Variants in LRRK2 observed in about 807,000 individuals in gnomAD.
LRRK2 encodes leucine-rich repeat serine/threonine-protein kinase 2.
Under a neutral mutation model 302.6 loss-of-function variants are expected in LRRK2, and 203 were observed. The observed-to-expected ratio is 0.67, with a 90% CI of 0.60 to 0.75. LRRK2 has a LOEUF of 0.75. Ranked by LOEUF, LRRK2 falls within the 30% of genes least tolerant of loss-of-function variation. The pLI is 0.00. For synonymous variants in LRRK2, 1,066 were observed against 1,031.9 expected (o/e 1.03, Z -0.63); for missense variants, 2,830 against 2,951.0 (o/e 0.96, Z 0.95).
chr12:40,277,578 T>C (rs1234886902), intron 16 of LRRK2, among the ~76,000 whole-genome samples: 1 of 152,224 alleles, frequency 6.6e-6, no homozygotes, highest in Non-Finnish European at 1.5e-5. Context: ...CTGGGTTTCA[T>C]CCTATAACTA....
chr12:40,270,769 T>C (rs538616742), intron 14 of LRRK2, among the ~76,000 whole-genome samples: 4 of 152,274 alleles, frequency 2.6e-5, no homozygotes, highest in Non-Finnish European at 4.4e-5. Context: ...TGGAAAGTTT[T>C]CTTGAGTTGC....
At chr12:40,295,045 C>T in intron 22 of LRRK2, 131 bp downstream of exon 22, 1 of 616,054 alleles carries the variant, frequency 1.6e-6, no homozygotes, top group East Asian at 2.8e-5. Flanking sequence ...ATATATTTAC[C>T]TAATGATTCC....
In LRRK2 at chr12:40,283,954, C is replaced by T. The variant is rs368291361; in HGVS notation, c.2321C>T (p.Ala774Val). The change falls in exon 19 of 51, where the codon GCG (alanine) becomes GTG (valine). Residue 774 changes from alanine (A) to valine (V), a missense_variant. Physicochemically the swap from Ala to Val is moderately conservative, Grantham distance 64 (BLOSUM62 0). Around this residue, in one of 3 missense-constraint regions of LRRK2, gnomAD observed 2,121 missense variants for 2,148.0 expected, o/e 0.99. Transcript: ENST00000298910. The stretch of plus-strand genomic sequence containing the variant: ...TCTCGTGAACAAGATGTACGAAAAG[C>T]GTTGACGATAAGCATTGGGAAAGGT... ...SGSREQDVRK[A>V]LTISIGKGDS... is the part of the protein sequence containing the mutation. 9.3e-6 allele frequency: 15 copies of T among 1,613,654 alleles called. No homozygotes were observed. Among genetic ancestry groups the T allele is most frequent in the Non-Finnish European group, 1.2e-5 (14 of 1,179,838 alleles).
intron 40 of LRRK2, among the ~76,000 whole-genome samples, chr12:40,337,708 G>A (rs1390992111): frequency 1.3e-5 from 2 of 152,164 alleles, no homozygotes; most frequent in African/African-American, 4.8e-5. Context: ...GTTTATGCTT[G>A]CAATTCCTTG....
intron 14 of LRRK2, among the ~76,000 whole-genome samples, chr12:40,266,766 T>C (rs1943033925): frequency 6.7e-6 from 1 of 149,678 alleles, no homozygotes; most frequent in South Asian, 2.1e-4. Context: ...TGTCCAACAA[T>C]GATAGACTGG....
chr12:40,285,067 T>G (rs1943865281), intron 19 of LRRK2, among the ~76,000 whole-genome samples: 1 of 152,020 alleles, frequency 6.6e-6, no homozygotes, highest in Non-Finnish European at 1.5e-5. Flanking sequence ...TTTTCCTCGG[T>G]TTCTCAAACA....
chr12:40,308,747 C>A, intron 29 of LRRK2, 51 bp downstream of exon 29: 1 of 1,536,072 alleles, frequency 6.5e-7, no homozygotes, highest in East Asian at 2.3e-5. Flanking sequence ...TTGTTTGGAA[C>A]AGGGATTCAA....
At chr12:40,310,374 T>C in intron 30 of LRRK2, 57 bp from the exon 31 acceptor site, 1 of 1,517,328 alleles carries the variant, frequency 6.6e-7, no homozygotes, top group Non-Finnish European at 9.1e-7. Flanking sequence ...TCAACAGGAA[T>C]GTGAGCAGGC....
intron 14 of LRRK2, among the ~76,000 whole-genome samples, chr12:40,273,084 G>A (rs1371506170): frequency 6.6e-6 from 1 of 152,116 alleles, no homozygotes; most frequent in Non-Finnish European, 1.5e-5. Flanking sequence ...TACATTATTA[G>A]AATTGTTTTA....
Position 40,367,073 on chromosome 12 carries a change from G to A in LRRK2, c.7458G>A (p.Gln2486=). The A allele has an allele frequency of 6.2e-7, 1 of 1,607,388 alleles. No individual in the cohort carries two copies. Among genetic ancestry groups the A allele is most frequent in the Non-Finnish European group, 8.5e-7 (1 of 1,175,062 alleles). ...NRKNTEGTQK[Q]KEIQSCLTVW... ...AAAATACTGAAGGTACACAAAAGCA[G>A]AAAGGTAACATTTAGAAGGATACTG... is the stretch of plus-strand genomic sequence containing the variant. The change falls in exon 50 of 51, where the codon CAG becomes CAA. Residue 2486 remains glutamine (Q), a synonymous_variant. Transcript: ENST00000298910.
chr12:40,285,818 A>AT (rs1310011062), intron 19 of LRRK2, among the ~76,000 whole-genome samples: 1 of 152,050 alleles, frequency 6.6e-6, no homozygotes, highest in African/African-American at 2.4e-5. Flanking sequence ...GGCAAAAAAA[A>AT]GGGCACAGAC....
chr12:40,248,844 T>A (rs1426680869), intron 7 of LRRK2, among the ~76,000 whole-genome samples: 1 of 152,120 alleles, frequency 6.6e-6, no homozygotes, highest in Non-Finnish European at 1.5e-5. Flanking sequence ...TTAGACAAGC[T>A]GGTAAAAGTA....
intron 26 of LRRK2, among the ~76,000 whole-genome samples, chr12:40,303,374 G>A (rs539572739): frequency 6.6e-6 from 1 of 152,174 alleles, no homozygotes; most frequent in East Asian, 1.9e-4. Flanking sequence ...GATCTTGAGT[G>A]TGTTGTAATC....
intron 33 of LRRK2, among the ~76,000 whole-genome samples, chr12:40,318,599 A>G (rs1423198263): frequency 6.6e-6 from 1 of 152,090 alleles, no homozygotes; most frequent in Non-Finnish European, 1.5e-5. Context: ...TTTCAAACCA[A>G]GTAGTTTGAC....
chr12:40,319,896 A>G (rs1945345745), intron 33 of LRRK2, 92 bp from the exon 34 acceptor site: 4 of 1,228,914 alleles, frequency 3.3e-6, no homozygotes, highest in Admixed American at 4.2e-5. Context: ...CTTTCTGACT[A>G]CTTTCACTGA....
intron 7 of LRRK2, among the ~76,000 whole-genome samples, chr12:40,246,545 G>T (rs1486161004): frequency 6.6e-6 from 1 of 151,914 alleles, no homozygotes; most frequent in Non-Finnish European, 1.5e-5. Context: ...ATAAAGTTCT[G>T]GGGAGTCTAA....
At chr12:40,277,682 TCTC>T (rs542243957) in intron 16 of LRRK2, among the ~76,000 whole-genome samples, 159 of 152,260 alleles carry the variant, frequency 1.0e-3, no homozygotes, top group African/African-American at 3.7e-3. Context: ...AGCATTTTAT[TCTC>T]TGTGCCTGCT....
Position 40,244,545 on chromosome 12 carries a change from A to T in LRRK2, c.838+864A>T, listed in dbSNP as rs553605563. ...ATATATAAATAAGGGTTAATATTTT[A>T]AAAAATATTTATTTGCCATTGGTAT... On this transcript the variant is annotated intron_variant, in intron 7 of 50. Coordinates refer to ENST00000298910, the MANE Select transcript of LRRK2 (RefSeq NM_198578.4). Among the ~76,000 whole-genome samples, 31 of 152,230 alleles carry T rather than the reference A, an allele frequency of 2.0e-4. No individual in the cohort carries two copies. The East Asian group carries it at 2.7e-3, about 13-fold the overall frequency.
At chr12:40,257,503 T>A (rs1942572595) in intron 12 of LRRK2, 126 bp downstream of exon 12, 1 of 1,123,380 alleles carries the variant, frequency 8.9e-7, no homozygotes, top group Non-Finnish European at 1.3e-6. Flanking sequence ...AACTGAAGCA[T>A]TTTGCAATGT....
Sources: gnomAD v4.1 joint callset for allele counts (sites outside exome capture counted in the v4.1 genomes callset) on GRCh38, gnomAD v4.1.1 for gene constraint, gnomAD v4.1.1 regional missense constraint, MANE v1.5 for transcripts, NCBI Gene and HGNC (gene_info 2026-07-23, HGNC 2026-07-21) for gene names.